DLEU7: variants seen among roughly 807,000 people sequenced by gnomAD.
DLEU7 encodes the protein leukemia-associated protein 7.
A neutral mutation model predicts 16.0 loss-of-function variants in DLEU7; 17 were observed. That is an observed-to-expected ratio of 1.06 (90% CI 0.73 to 1.59). The LOEUF is 1.59. DLEU7 is among the 40% of genes most tolerant of loss of function. The pLI is 0.00. For missense variants in DLEU7, 308 were observed against 314.9 expected (o/e 0.98, Z 0.17); for synonymous variants, 113 against 139.8 (o/e 0.81, Z 1.35).
intron 1 of DLEU7, among the ~76,000 whole-genome samples, chr13:50,777,910 G>A (rs1226785201): frequency 1.3e-5 from 2 of 152,138 alleles, no homozygotes; most frequent in Non-Finnish European, 2.9e-5. Context: ...GGAGGGGCAT[G>A]ATAAAGTAAG....
intron 1 of DLEU7, among the ~76,000 whole-genome samples, chr13:50,714,137 G>C (rs1431268601): frequency 6.6e-6 from 1 of 152,218 alleles, no homozygotes; most frequent in Non-Finnish European, 1.5e-5. Context: ...CAGGATCATT[G>C]TAGGAAGGCA....
At chr13:50,715,933 A>T (rs1187217215) in intron 1 of DLEU7, among the ~76,000 whole-genome samples, 1 of 152,230 alleles carries the variant, frequency 6.6e-6, no homozygotes, top group Non-Finnish European at 1.5e-5. Flanking sequence ...GCTACCCTGC[A>T]GCTCCCTGCC....
chr13:50,770,688 G>A (rs937163336), intron 1 of DLEU7, among the ~76,000 whole-genome samples: 1 of 152,172 alleles, frequency 6.6e-6, no homozygotes, highest in Non-Finnish European at 1.5e-5. Flanking sequence ...ATTTTATTGA[G>A]GATTTTCGCA....
rs75270537 is a variant in DLEU7 at position 50,786,540 on chromosome 13, A to G, written c.459+56648T>C. ...TTCAGCAGGAAGAGAAATCCAGAAC[A>G]GTTAAGAATGGAGAAAATTGCTCAC... On this transcript the variant is annotated intron_variant, in intron 1 of 1. Coordinates refer to the DLEU7 transcript ENST00000400393. 5.7e-3 allele frequency among the ~76,000 whole-genome samples: 862 copies of G among 152,326 alleles called. 45 individuals are homozygous for G. The South Asian group carries it at 0.12, about 21-fold the overall frequency.
At chr13:50,768,904 G>A (rs1302710433) in intron 1 of DLEU7, among the ~76,000 whole-genome samples, 1 of 152,204 alleles carries the variant, frequency 6.6e-6, no homozygotes, top group Non-Finnish European at 1.5e-5. Context: ...CCCACCAACA[G>A]TGTAGAAGCG....
chr13:50,729,665 T>C (rs993159303), intron 1 of DLEU7, among the ~76,000 whole-genome samples: 14 of 152,172 alleles, frequency 9.2e-5, no homozygotes, highest in African/African-American at 3.4e-4. Context: ...AGAGTATAAG[T>C]GTTCTCTTTT....
intron 1 of DLEU7, among the ~76,000 whole-genome samples, chr13:50,828,845 G>T: frequency 6.6e-6 from 1 of 152,176 alleles, no homozygotes; most frequent in Non-Finnish European, 1.5e-5. Context: ...CGAGCTAGGT[G>T]CCAGGACAGA....
At chr13:50,752,285 T>C (rs986960157) in intron 1 of DLEU7, among the ~76,000 whole-genome samples, 14 of 152,086 alleles carry the variant, frequency 9.2e-5, no homozygotes, top group African/African-American at 3.1e-4. Context: ...TCTCCTGACC[T>C]CGTGATCCAC....
At chr13:50,730,788 A>G (rs1669009157) in intron 1 of DLEU7, among the ~76,000 whole-genome samples, 1 of 152,128 alleles carries the variant, frequency 6.6e-6, no homozygotes, top group African/African-American at 2.4e-5. Flanking sequence ...GTTATCTTTG[A>G]GAGAATTAGA....
chr13:50,820,242 A>T (rs4941676), downstream of DLEU7, among the ~76,000 whole-genome samples: 4,949 of 152,224 alleles, frequency 0.033, 117 homozygotes, highest in Admixed American at 0.068. Flanking sequence ...GGACAAAAAG[A>T]ATTGTAAGTA....
At chr13:50,771,703 A>G (rs1285222632) in intron 1 of DLEU7, among the ~76,000 whole-genome samples, 9 of 152,188 alleles carry the variant, frequency 5.9e-5, no homozygotes. Flanking sequence ...CAATTTTGGA[A>G]TAAGTCTGAT....
At chr13:50,788,815 G>A (rs1875864986) in intron 1 of DLEU7, among the ~76,000 whole-genome samples, 1 of 152,112 alleles carries the variant, frequency 6.6e-6, no homozygotes, top group African/African-American at 2.4e-5. Context: ...TGGGAGCGGG[G>A]AGCAAAAGCT....
At chr13:50,809,872 A>G (rs975596696) in intron 1 of DLEU7, among the ~76,000 whole-genome samples, 2 of 152,116 alleles carry the variant, frequency 1.3e-5, no homozygotes, top group African/African-American at 4.8e-5. Flanking sequence ...ATGTTCATTC[A>G]CCACAAGAAG....
intron 1 of DLEU7, among the ~76,000 whole-genome samples, chr13:50,739,663 G>A (rs1170231614): frequency 6.6e-6 from 1 of 152,132 alleles, no homozygotes; most frequent in Non-Finnish European, 1.5e-5. Context: ...AGAGGAACGA[G>A]AGAGAATCTG....
chr13:50,736,972 T>C (rs1874088258), intron 1 of DLEU7, among the ~76,000 whole-genome samples: 1 of 152,102 alleles, frequency 6.6e-6, no homozygotes, highest in Non-Finnish European at 1.5e-5. Flanking sequence ...AAAACTGAAA[T>C]CTGAATAGCG....
In DLEU7 at chr13:50,759,004, T is replaced by C. The variant is rs189693071; in HGVS notation, c.460-45764A>G. ...AAATATTTTAATGTGTAATCCTCAA[T>C]GGAGAATGTCTTGAACTAGTGTCAC... is the stretch of plus-strand genomic sequence containing the variant. On this transcript the variant is annotated intron_variant, in intron 1 of 1. Coordinates refer to the DLEU7 transcript ENST00000400393. Among the ~76,000 whole-genome samples the C allele has an allele frequency of 1.8e-4, 27 of 152,370 alleles. No homozygotes were observed. The East Asian group carries it at 5.0e-3, about 28-fold the overall frequency.
intron 1 of DLEU7, among the ~76,000 whole-genome samples, chr13:50,754,401 C>T (rs146394904): frequency 2.4e-4 from 37 of 152,298 alleles, no homozygotes; most frequent in African/African-American, 8.7e-4. Context: ...TCCTGTTGGA[C>T]AAGGCCTTTT....
At chr13:50,717,541 A>C (rs2761842) in intron 1 of DLEU7, among the ~76,000 whole-genome samples, 12,176 of 151,100 alleles carry the variant, frequency 0.081, 558 homozygotes, top group East Asian at 0.15. Context: ...ATGCTTATTA[A>C]TTAACAAATA....
chr13:50,747,415 T>C (rs933641583), intron 1 of DLEU7, among the ~76,000 whole-genome samples: 7 of 151,798 alleles, frequency 4.6e-5, no homozygotes, highest in Non-Finnish European at 1.0e-4. Context: ...TTTGTGTGTG[T>C]GTGTTTGGGG....
Sources: gnomAD v4.1 joint callset for allele counts (sites outside exome capture counted in the v4.1 genomes callset) on GRCh38, gnomAD v4.1.1 for gene constraint, MANE v1.5 for transcripts, NCBI Gene and HGNC (gene_info 2026-07-23, HGNC 2026-07-21) for gene names.